The following RASSF3 variants were observed in gnomAD, a reference collection of about 807,000 sequenced individuals.
RASSF3 encodes the protein ras association domain-containing protein 3.
RASSF3 carries 19 observed loss-of-function variants against 19.9 expected under a neutral mutation model. The observed-to-expected ratio is 0.96, with a 90% CI of 0.67 to 1.40. RASSF3 has a LOEUF of 1.40. RASSF3 is among the 40% of genes most tolerant of loss of function. RASSF3 has a pLI of 0.00. For synonymous variants in RASSF3, 110 were observed against 104.2 expected, an observed-to-expected ratio of 1.06 and a Z score of -0.34; for missense variants, 306 against 289.8, an observed-to-expected ratio of 1.06 and a Z score of -0.41.
intron 2 of RASSF3, among the ~76,000 whole-genome samples, chr12:64,594,158 C>A (rs535580893): frequency 6.6e-6 from 1 of 152,008 alleles, no homozygotes; most frequent in East Asian, 1.9e-4. Context: ...CGTAGTGAGA[C>A]CCCATCTCTA....
chr12:64,691,205 A>C (rs573758645), intron 3 of RASSF3, among the ~76,000 whole-genome samples: 4 of 152,196 alleles, frequency 2.6e-5, no homozygotes, highest in African/African-American at 9.6e-5. Context: ...AACTATAAGC[A>C]TATTTTGGGA....
At position 64,577,371 on chromosome 12, in the gene RASSF3, T is replaced by A. The variant is rs537811427; in HGVS notation, c.294+35666T>A. Among the ~76,000 whole-genome samples the A allele has an allele frequency of 1.9e-4, 29 of 152,320 alleles. 1 individual carries two copies. Among genetic ancestry groups the A allele is most frequent in the Middle Eastern group, 6.8e-3 (2 of 294 alleles). The stretch of plus-strand genomic sequence containing the variant: ...TGTTTTAAAAATTAATGAGGTGCAT[T>A]TACAGCCCAGGATGTTCAGGTGATT... On this transcript the variant is annotated intron_variant, in intron 2 of 5. Coordinates refer to the RASSF3 transcript ENST00000637125.
rs147002231 is a variant in RASSF3, at chr12:64,618,569, T to A, written c.111+7826T>A. On this transcript the variant is annotated intron_variant, in intron 1 of 4. Coordinates refer to ENST00000542104, the MANE Select transcript of RASSF3 (RefSeq NM_178169.4). ...GTCTCAAACTCCTGACCTCATGATC[T>A]GCCCTCCTTGGCCTCCCAAAGTGCT... is the stretch of plus-strand genomic sequence containing the variant. Among the ~76,000 whole-genome samples the A allele has an allele frequency of 5.8e-4, 89 of 152,260 alleles. 1 individual carries two copies. In the East Asian group the frequency reaches 0.017, roughly 29 times the overall value.
At chr12:64,678,258 T>C (rs1458185119) in intron 1 of RASSF3, among the ~76,000 whole-genome samples, 1 of 152,242 alleles carries the variant, frequency 6.6e-6, no homozygotes, top group Non-Finnish European at 1.5e-5. Context: ...GTTCTGTCTG[T>C]TATTGCACTG....
Position 64,684,833 on chromosome 12 carries a change from A to C in RASSF3, c.158A>C (p.Glu53Ala). 1 of 1,613,724 alleles carries C rather than the reference A, an allele frequency of 6.2e-7. No individual in the cohort carries two copies. Among genetic ancestry groups the C allele is most frequent in the Non-Finnish European group, 8.5e-7 (1 of 1,179,652 alleles). ...KETHSYLSKEEIKEKVHKYNL... is the reference protein window; with the variant it reads ...KETHSYLSKEAIKEKVHKYNL... ...ACCCACAGTTACCTCAGCAAAGAGG[A>C]GATCAAAGAGAAAGTTCATAAATAC... The change falls in exon 2 of 5, where the codon GAG becomes GCG. Residue 53 changes from glutamate to alanine, a missense_variant. Glu to Ala is a moderately radical substitution (Grantham distance 107). Coordinates refer to ENST00000542104, the MANE Select transcript of RASSF3 (RefSeq NM_178169.4).
At chr12:64,520,579 T>C (rs12319676) in intron 1 of RASSF3, among the ~76,000 whole-genome samples, 17 of 54,728 alleles carry the variant, frequency 3.1e-4, no homozygotes, top group South Asian at 6.0e-4. Flanking sequence ...TATATATATA[T>C]ATATATATAT....
At chr12:64,534,296 T>C (rs938132188) in intron 1 of RASSF3, among the ~76,000 whole-genome samples, 2 of 151,860 alleles carry the variant, frequency 1.3e-5, no homozygotes, top group East Asian at 3.9e-4. Flanking sequence ...CTGGGCAACA[T>C]AGGGAGACCC....
chr12:64,510,272 A>G (rs763030482), intron 1 of RASSF3, among the ~76,000 whole-genome samples: 6 of 152,278 alleles, frequency 3.9e-5, no homozygotes, highest in Non-Finnish European at 8.8e-5. Flanking sequence ...GAATTGACTT[A>G]TGAAGACAGC....
At chr12:64,666,658 A>G (rs1872545845) in intron 1 of RASSF3, among the ~76,000 whole-genome samples, 1 of 152,156 alleles carries the variant, frequency 6.6e-6, no homozygotes, top group East Asian at 1.9e-4. Flanking sequence ...CAGCTTAGAT[A>G]CTTCCTCCTA....
At chr12:64,649,458 T>C (rs1447637899) in intron 1 of RASSF3, among the ~76,000 whole-genome samples, 1 of 152,126 alleles carries the variant, frequency 6.6e-6, no homozygotes, top group Non-Finnish European at 1.5e-5. Flanking sequence ...TCCGAAAGTG[T>C]TGGGATTACA....
intron 1 of RASSF3, among the ~76,000 whole-genome samples, chr12:64,659,249 C>G (rs1872260462): frequency 6.6e-6 from 1 of 152,060 alleles, no homozygotes; most frequent in African/African-American, 2.4e-5. Flanking sequence ...GAGGTGGAGT[C>G]AGAGGTGAAG....
In RASSF3 at chr12:64,610,495, G is replaced by C. The variant is rs1007841860; in HGVS notation, c.-138G>C. On this transcript the variant is annotated 5_prime_UTR_variant, in exon 1 of 5. Coordinates refer to ENST00000542104, the MANE Select transcript of RASSF3 (RefSeq NM_178169.4). ...GCGGCAGGAGGGGCCGGGAGAGCCT[G>C]ATTGAGCGGCGGCCGCAGCTGCATA... is the stretch of plus-strand genomic sequence containing the variant. 2.3e-5 allele frequency: 7 copies of C among 303,282 alleles called. No individual in the cohort carries two copies. Among genetic ancestry groups the C allele is most frequent in the Admixed American group, 1.0e-4 (2 of 19,128 alleles). The allele number at this position is 303,282 out of a possible 1,614,324, so 18.8% of individuals were successfully genotyped here.
At position 64,610,752 on chromosome 12, in the gene RASSF3, C is replaced by A. The variant is rs1248377450; in HGVS notation, c.111+9C>A. On this transcript the variant is annotated intron_variant, in intron 1 of 4. Coordinates refer to ENST00000542104, the MANE Select transcript of RASSF3 (RefSeq NM_178169.4). Reference sequence around the variant, plus strand: ...CCCGCTCCGGCCAACAAGTGAGTGGCGCGCGGCGGGCGCTGCAGCCCGCGC... The same window carrying A: ...CCCGCTCCGGCCAACAAGTGAGTGGAGCGCGGCGGGCGCTGCAGCCCGCGC... The A allele has an allele frequency of 6.4e-7, 1 of 1,565,110 alleles. No homozygotes were observed. The highest frequency in any genetic ancestry group is 1.4e-5 in the African/African-American group (1 of 71,248).
chr12:64,643,708 A>G (rs536595179), intron 1 of RASSF3, among the ~76,000 whole-genome samples: 206 of 152,276 alleles, frequency 1.4e-3, no homozygotes, highest in African/African-American at 4.9e-3. Flanking sequence ...TTTCTGTCCT[A>G]CAACTCTTCT....
At chr12:64,563,482 T>A (rs2136126646) in intron 2 of RASSF3, among the ~76,000 whole-genome samples, 1 of 152,298 alleles carries the variant, frequency 6.6e-6, no homozygotes, top group Non-Finnish European at 1.5e-5. Flanking sequence ...AATATTTTCT[T>A]AAATGTAAAT....
At chr12:64,539,943 T>C (rs1197824588) in intron 1 of RASSF3, among the ~76,000 whole-genome samples, 4 of 152,180 alleles carry the variant, frequency 2.6e-5, no homozygotes, top group Admixed American at 6.5e-5. Context: ...TGATAGAATA[T>C]TGTGGACATG....
At chr12:64,516,565 G>A (rs145894009) in intron 1 of RASSF3, among the ~76,000 whole-genome samples, 4,200 of 146,724 alleles carry the variant, frequency 0.029, 194 homozygotes, top group African/African-American at 0.1. Context: ...CTTGCAGTGA[G>A]CCGAGATCCC....
exon 1 of RASSF3, chr12:64,507,002 T>G: frequency 2.5e-6 from 1 of 392,828 alleles, no homozygotes; most frequent in Non-Finnish European, 4.5e-6. Context: ...GAACATCTAT[T>G]AATACAGTTT....
At chr12:64,640,738 G>A (rs976834933) in intron 1 of RASSF3, among the ~76,000 whole-genome samples, 4 of 152,042 alleles carry the variant, frequency 2.6e-5, no homozygotes, top group African/African-American at 7.2e-5. Flanking sequence ...AACCTCCCGG[G>A]CCCAAGTGAT....
Sources: allele counts gnomAD v4.1 joint callset (sites outside exome capture counted in the v4.1 genomes callset), GRCh38; gene constraint gnomAD v4.1.1; transcripts MANE v1.5; gene names NCBI Gene and HGNC (gene_info 2026-07-23, HGNC 2026-07-21).